CTF1: variants seen among roughly 807,000 people sequenced by gnomAD.
CTF1 encodes the protein cardiotrophin 1, also known as cardiotrophin-1.
CTF1 carries 9 observed loss-of-function variants against 10.9 expected under a neutral mutation model. That is an observed-to-expected ratio of 0.83 (90% CI 0.50 to 1.44). CTF1 has a LOEUF of 1.44. Among genes scored for constraint, CTF1 ranks in the 40% most tolerant of loss-of-function variants. The probability of loss-of-function intolerance (pLI) is 0.00; values close to 1 mark genes in which losing one functional copy is unlikely to be tolerated. For missense variants in CTF1, 259 were observed against 275.3 expected (o/e 0.94, Z 0.42); for synonymous variants, 133 against 138.8 (o/e 0.96, Z 0.29).
rs2055411792 is a variant in CTF1 at position 30,902,413 on chromosome 16, A to C, written c.480A>C (p.Ser160=). Residue 160 remains serine (S), a synonymous_variant, in exon 3 of 3, where the codon TCA becomes TCC. Coordinates refer to ENST00000279804, the MANE Select transcript of CTF1 (RefSeq NM_001330.5). ...CCGAGCCCCCCGCCGCCACCGCCTC[A>C]GCCGCCTCCGCCACCGGGGTCTTCC... ...PRAEPPAATA[S]AASATGVFPA... is the part of the protein sequence containing the mutation. 1 of 1,356,336 alleles carries C rather than the reference A, an allele frequency of 7.4e-7. No individual in the cohort carries two copies. The highest frequency in any genetic ancestry group is 9.5e-7 in the Non-Finnish European group (1 of 1,049,984). The allele number at this position is 1,356,336 out of a possible 1,614,324, so 84.0% of individuals were successfully genotyped here.
At chr16:30,901,818 A>G (rs1423782375) in intron 2 of CTF1, among the ~76,000 whole-genome samples, 4 of 148,530 alleles carry the variant, frequency 2.7e-5, no homozygotes, top group Admixed American at 1.4e-4. Flanking sequence ...CCCTGGGCTC[A>G]AGTGATTATC....
chr16:30,900,215 G>A (rs1397543223), intron 2 of CTF1, among the ~76,000 whole-genome samples: 1 of 152,172 alleles, frequency 6.6e-6, no homozygotes, highest in East Asian at 1.9e-4. Context: ...TTCCAATCTG[G>A]AGCAACAGTT....
intron 2 of CTF1, among the ~76,000 whole-genome samples, chr16:30,900,335 G>A (rs527718249): frequency 6.6e-6 from 1 of 152,336 alleles, no homozygotes; most frequent in African/African-American, 2.4e-5. Flanking sequence ...CTCGTGTAGT[G>A]AAGGGAGGGT....
chr16:30,896,595 C>T (rs745508778), upstream of CTF1: 3 of 1,253,296 alleles, frequency 2.4e-6, no homozygotes, highest in Non-Finnish European at 1.0e-6. Context: ...CCCTTTCTCC[C>T]CCCTCGAAAG....
Position 30,902,593 on chromosome 16 carries a change from C to T in CTF1, c.*54C>T. 1 of 1,451,616 alleles carries T rather than the reference C, an allele frequency of 6.9e-7. No individual in the cohort carries two copies. Among genetic ancestry groups the T allele is most frequent in the South Asian group, 1.3e-5 (1 of 77,322 alleles). The allele number at this position is 1,451,616 out of a possible 1,614,324, so 89.9% of individuals were successfully genotyped here. ...TCCCGCTGGGTTCCGTCTCTCCTTC[C>T]GCTTCTTTGTCTTTCTCTGCCGCTG... On this transcript the variant is annotated 3_prime_UTR_variant, in exon 3 of 3. Transcript: ENST00000279804.
Position 30,902,707 on chromosome 16 carries a change from C to G in CTF1, c.*168C>G. 5 of 1,087,860 alleles carry G rather than the reference C, an allele frequency of 4.6e-6. No individual in the cohort carries two copies. The South Asian group carries it at 1.1e-4, about 25-fold the overall frequency. 67.4% of individuals were successfully genotyped at this position (1,087,860 alleles called of 1,614,324 possible). ...GGAGAGGGGAGGGGACGGGCAGGGTCTCTGTCGCCCAGGCTGGGGTGCAGT... is the reference window on the plus strand; with the variant it reads ...GGAGAGGGGAGGGGACGGGCAGGGTGTCTGTCGCCCAGGCTGGGGTGCAGT... On this transcript the variant is annotated 3_prime_UTR_variant, in exon 3 of 3. Transcript: ENST00000279804.
intron 1 of CTF1, among the ~76,000 whole-genome samples, chr16:30,897,639 T>C (rs1436992027): frequency 6.6e-6 from 1 of 152,096 alleles, no homozygotes; most frequent in Non-Finnish European, 1.5e-5. Flanking sequence ...GGAGGTCCCA[T>C]AAGATTCTAT....
Position 30,902,525 on chromosome 16 carries a change from G to A in CTF1, c.592G>A (p.Gly198Arg), listed in dbSNP as rs1356326953. 5.4e-6 allele frequency: 8 copies of A among 1,492,438 alleles called. No homozygotes were observed. Among genetic ancestry groups the A allele is most frequent in the Non-Finnish European group, 7.1e-6 (8 of 1,125,206 alleles). The allele number at this position is 1,492,438 out of a possible 1,614,324, so 92.4% of individuals were successfully genotyped here. A position where few individuals can be genotyped will look rare whatever the true frequency, so the allele number is the denominator to read the frequency against. Residue 198 changes from glycine (G) to arginine (R), a missense_variant, in exon 3 of 3, where the codon GGG (glycine) becomes AGG (arginine). Gly to Arg is a moderately radical substitution (Grantham distance 125, BLOSUM62 -2). Transcript: ENST00000279804. ...GGGCGACCTGGGCCAGCTGCTGCCC[G>A]GGGGCTCGGCCTGAGCGCCGCGGGG... Reference protein sequence around the residue: ...TEGDLGQLLPGGSA With the variant: ...TEGDLGQLLPRGSA
intron 1 of CTF1, among the ~76,000 whole-genome samples, chr16:30,897,277 T>C (rs1002576961): frequency 6.6e-5 from 10 of 152,158 alleles, no homozygotes; most frequent in Non-Finnish European, 1.3e-4. Flanking sequence ...GCGCCTTGCA[T>C]GGATGGGGCA....
At chr16:30,898,544 C>T (rs560896113) in intron 1 of CTF1, among the ~76,000 whole-genome samples, 4 of 152,066 alleles carry the variant, frequency 2.6e-5, no homozygotes, top group South Asian at 2.1e-4. Context: ...CTGCCCATCT[C>T]GGGCTCCCAA....
upstream of CTF1, among the ~76,000 whole-genome samples, chr16:30,895,887 A>T (rs892643781): frequency 6.6e-6 from 1 of 151,896 alleles, no homozygotes; most frequent in African/African-American, 2.4e-5. Flanking sequence ...CACAAACCCC[A>T]TTAGCTTCTG....
intron 1 of CTF1, 146 bp downstream of exon 1, chr16:30,896,814 A>G: frequency 1.6e-6 from 1 of 631,652 alleles, no homozygotes; most frequent in East Asian, 3.4e-5. Flanking sequence ...GTGTCAGGTA[A>G]CGAGTGAGCG....
chr16:30,901,013 T>C (rs949794328), intron 2 of CTF1, among the ~76,000 whole-genome samples: 5 of 151,826 alleles, frequency 3.3e-5, no homozygotes, highest in African/African-American at 1.2e-4. Flanking sequence ...TCTGCCTCAG[T>C]CTCCTGAGTA....
At position 30,902,179 on chromosome 16, in the gene CTF1, A is replaced by T; in HGVS notation, c.246A>T (p.Pro82=). The change falls in exon 3 of 3, where the codon CCA becomes CCT. Residue 82 remains proline (P), a synonymous_variant. Transcript: ENST00000279804. ...SAPAPSHAGL[P]VHERLRLDAA... ...CGGCTCCGAGCCACGCGGGGCTGCCAGTGCACGAGCGGCTGCGGCTGGACG... is the reference window on the plus strand; with the variant it reads ...CGGCTCCGAGCCACGCGGGGCTGCCTGTGCACGAGCGGCTGCGGCTGGACG... 8.1e-7 allele frequency: 1 copy of T among 1,227,474 alleles called. No homozygotes were observed. The highest frequency in any genetic ancestry group is 1.0e-6 in the Non-Finnish European group (1 of 986,120). 76.0% of individuals were successfully genotyped at this position (1,227,474 alleles called of 1,614,324 possible).
At chr16:30,896,543 G>C, upstream of CTF1, 2 of 1,077,554 alleles carry the variant, frequency 1.9e-6, no homozygotes, top group Non-Finnish European at 2.4e-6. Flanking sequence ...TTGGGGTCTG[G>C]GCTCTGATTG....
chr16:30,900,141 G>A (rs1666202090), intron 2 of CTF1, among the ~76,000 whole-genome samples: 1 of 152,144 alleles, frequency 6.6e-6, no homozygotes, highest in African/African-American at 2.4e-5. Context: ...AGTAAAAGGA[G>A]GCAGCTAAAT....
At chr16:30,898,601 T>C (rs1347644079) in intron 1 of CTF1, among the ~76,000 whole-genome samples, 1 of 152,086 alleles carries the variant, frequency 6.6e-6, no homozygotes, top group African/African-American at 2.4e-5. Context: ...CCGATATATA[T>C]TATATAATAA....
rs2055417225 is a variant in CTF1, at chr16:30,902,709, C to T, written c.*170C>T. ...AGAGGGGAGGGGACGGGCAGGGTCTCTGTCGCCCAGGCTGGGGTGCAGTGG... is the reference window on the plus strand; with the variant it reads ...AGAGGGGAGGGGACGGGCAGGGTCTTTGTCGCCCAGGCTGGGGTGCAGTGG... On this transcript the variant is annotated 3_prime_UTR_variant, in exon 3 of 3. Transcript: ENST00000279804. 2 of 1,087,266 alleles carry T rather than the reference C, an allele frequency of 1.8e-6. No homozygotes were observed. Among genetic ancestry groups the T allele is most frequent in the Admixed American group, 8.3e-5 (2 of 23,980 alleles). 67.4% of individuals were successfully genotyped at this position (1,087,266 alleles called of 1,614,324 possible).
At chr16:30,900,893 C>CA (rs986834341) in intron 2 of CTF1, among the ~76,000 whole-genome samples, 5 of 151,136 alleles carry the variant, frequency 3.3e-5, no homozygotes, top group African/African-American at 1.2e-4. Context: ...TCCAGCCCAA[C>CA]ATTTTTTTTT....
Sources: gnomAD v4.1 joint callset for allele counts (sites outside exome capture counted in the v4.1 genomes callset) on GRCh38, gnomAD v4.1.1 for gene constraint, MANE v1.5 for transcripts, NCBI Gene and HGNC (gene_info 2026-07-23, HGNC 2026-07-21) for gene names.